The following CFAP47 variants were observed in gnomAD, a reference collection of about 807,000 sequenced individuals.
CFAP47 encodes the protein cilia and flagella associated protein 47.
CFAP47 carries 29 observed loss-of-function variants against 148.1 expected under a neutral mutation model. The ratio of observed to expected loss-of-function variants is 0.20; its 90% confidence interval spans 0.15 to 0.27. CFAP47 has a LOEUF of 0.27. Among genes scored for constraint, CFAP47 ranks in the 10% least tolerant of loss-of-function variants. CFAP47 has a pLI of 1.00. For missense variants in CFAP47, 1,872 were observed against 1,697.5 expected (o/e 1.10, Z -1.81); for synonymous variants, 664 against 577.3 (o/e 1.15, Z -2.15).
At chrX:36,371,533 A>G (rs911987134) in intron 62 of CFAP47, among the ~76,000 whole-genome samples, 1 of 104,730 alleles carries the variant, frequency 9.5e-6, no homozygotes, top group African/African-American at 3.4e-5. Context: ...GTGTATATAT[A>G]TGTGTATACA....
chrX:35,970,872 T>A lies in CFAP47; in HGVS notation c.1919T>A (p.Met640Lys). ...AAATTACATGAAAACTATTATGCAA[T>A]GTATCTTAAATATTTAAGAAGTGTG... ...QKKLHENYYA[M>K]YLKYLRSVRL... The change falls in exon 11 of 64, where the codon ATG (methionine) becomes AAG (lysine). Residue 640 changes from methionine to lysine, a missense_variant. Transcript: ENST00000378653. The A allele has an allele frequency of 8.4e-7, 1 of 1,191,229 alleles. No individual in the cohort carries two copies. The highest frequency in any genetic ancestry group is 1.9e-5 in the South Asian group (1 of 53,877).
At chrX:36,248,373 A>C (rs903175685) in intron 48 of CFAP47, among the ~76,000 whole-genome samples, 1 of 105,125 alleles carries the variant, frequency 9.5e-6, no homozygotes, top group Non-Finnish European at 1.9e-5. Flanking sequence ...ATGTGTGTAT[A>C]TATATTATAA....
intron 9 of CFAP47, 91 bp from the exon 10 acceptor site, chrX:35,967,528 A>G: frequency 1.7e-6 from 1 of 600,053 alleles, no homozygotes; most frequent in African/African-American, 2.3e-5. Flanking sequence ...GTTAGAATCA[A>G]TTGTCTAGTG....
At chrX:36,100,666 G>T (rs1485403185) in intron 32 of CFAP47, among the ~76,000 whole-genome samples, 1 of 111,656 alleles carries the variant, frequency 9.0e-6, no homozygotes, top group Non-Finnish European at 1.9e-5. Context: ...TTAGAACAAG[G>T]GAGGAATTGA....
chrX:36,288,999 CT>C (rs34230885), intron 51 of CFAP47, among the ~76,000 whole-genome samples: 2,717 of 66,378 alleles, frequency 0.041, 89 homozygotes, highest in African/African-American at 0.15. Context: ...TTCTTTCATC[CT>C]TTTTTTTTTT....
intron 39 of CFAP47, among the ~76,000 whole-genome samples, chrX:36,171,123 T>C (rs1168762373): frequency 2.2e-3 from 239 of 109,760 alleles, no homozygotes; most frequent in African/African-American, 7.5e-3. Flanking sequence ...TCATGTCCTT[T>C]GCCCACTTTT....
intron 13 of CFAP47, among the ~76,000 whole-genome samples, chrX:35,973,680 A>G (rs1274955146): frequency 9.0e-6 from 1 of 111,341 alleles, no homozygotes; most frequent in East Asian, 2.8e-4. Flanking sequence ...ACTGAGACCA[A>G]ACTGGGTTTG....
chrX:35,985,507 A>G (rs1936702630), intron 15 of CFAP47, among the ~76,000 whole-genome samples: 2 of 110,817 alleles, frequency 1.8e-5, no homozygotes, highest in South Asian at 7.7e-4. Flanking sequence ...GGGAGAGTGC[A>G]GGTGGGCTGG....
At chrX:36,089,073 A>G (rs1193966628) in intron 30 of CFAP47, among the ~76,000 whole-genome samples, 1 of 112,239 alleles carries the variant, frequency 8.9e-6, no homozygotes, top group Admixed American at 9.5e-5. Flanking sequence ...ATCCTTAAAA[A>G]TTTTATATCC....
At chrX:35,960,687 T>G (rs1299209892) in intron 8 of CFAP47, among the ~76,000 whole-genome samples, 1 of 111,753 alleles carries the variant, frequency 8.9e-6, no homozygotes, top group Non-Finnish European at 1.9e-5. Flanking sequence ...CTAGTGCATA[T>G]AAGTGCATTT....
chrX:36,023,245 A>G (rs1937179484), intron 22 of CFAP47, among the ~76,000 whole-genome samples: 1 of 112,346 alleles, frequency 8.9e-6, no homozygotes, highest in Admixed American at 9.4e-5. Flanking sequence ...TTTGGACAAG[A>G]TCCAGAAGAA....
At chrX:36,295,315 T>G (rs1291458867) in intron 51 of CFAP47, among the ~76,000 whole-genome samples, 1 of 112,101 alleles carries the variant, frequency 8.9e-6, no homozygotes, top group Non-Finnish European at 1.9e-5. Flanking sequence ...AATATGCCAT[T>G]TGCAAAACAG....
At chrX:36,344,309 CA>C (rs1220765837) in intron 57 of CFAP47, among the ~76,000 whole-genome samples, 1,426 of 84,940 alleles carry the variant, frequency 0.017, 25 homozygotes, top group African/African-American at 0.053. Flanking sequence ...AAGTTCAGTT[CA>C]AAAAAAAAAA....
At chrX:36,222,108 A>G (rs1253529457) in intron 45 of CFAP47, among the ~76,000 whole-genome samples, 32 of 111,869 alleles carry the variant, frequency 2.9e-4, no homozygotes, top group Non-Finnish European at 9.4e-5. Context: ...TGTGCACTTA[A>G]CAACTTTTCA....
chrX:36,237,280 A>C (rs1219238202), intron 48 of CFAP47, among the ~76,000 whole-genome samples: 1 of 112,084 alleles, frequency 8.9e-6, no homozygotes, highest in Non-Finnish European at 1.9e-5. Flanking sequence ...ATATTAAGGA[A>C]TGCATAATTG....
intron 2 of CFAP47, among the ~76,000 whole-genome samples, chrX:35,936,816 T>G (rs2146626549): frequency 9.0e-6 from 1 of 110,721 alleles, no homozygotes; most frequent in Non-Finnish European, 1.9e-5. Flanking sequence ...TGGTGCTTCC[T>G]GAAGGAGTGG....
intron 33 of CFAP47, among the ~76,000 whole-genome samples, chrX:36,105,522 C>G (rs1425319392): frequency 9.0e-6 from 1 of 111,363 alleles, no homozygotes; most frequent in African/African-American, 3.3e-5. Flanking sequence ...TTATGATTGC[C>G]CTTAAATTGA....
At chrX:36,222,168 C>T (rs782764131) in intron 45 of CFAP47, among the ~76,000 whole-genome samples, 1 of 112,002 alleles carries the variant, frequency 8.9e-6, no homozygotes, top group African/African-American at 3.2e-5. Context: ...TACTTACAAA[C>T]TTCATGGGAA....
intron 57 of CFAP47, among the ~76,000 whole-genome samples, chrX:36,325,867 TA>T (rs1301313016): frequency 1.8e-5 from 2 of 111,425 alleles, no homozygotes; most frequent in Admixed American, 9.6e-5. Context: ...ATCTGGGGCA[TA>T]AAAAAGTCAT....
Sources: gnomAD v4.1 joint callset for allele counts (sites outside exome capture counted in the v4.1 genomes callset) on GRCh38, gnomAD v4.1.1 for gene constraint, MANE v1.5 for transcripts, NCBI Gene and HGNC (gene_info 2026-07-23, HGNC 2026-07-21) for gene names.